WDR27: variants seen among roughly 807,000 people sequenced by gnomAD.
WDR27 encodes WD repeat domain 27.
Under a neutral mutation model 114.4 loss-of-function variants are expected in WDR27, and 100 were observed. That is an observed-to-expected ratio of 0.87 (90% CI 0.74 to 1.03). The LOEUF (loss-of-function observed/expected upper bound fraction) is 1.03. WDR27 is among the 50% of genes least tolerant of loss of function. The pLI is 0.00. For synonymous variants in WDR27, 449 were observed against 423.1 expected, an observed-to-expected ratio of 1.06 and a Z score of -0.75; for missense variants, 1,129 against 1,092.9, an observed-to-expected ratio of 1.03 and a Z score of -0.47.
At chr6:169,434,793 T>C in the WDR27 span, among the ~76,000 whole-genome samples, 1 of 152,126 alleles carries the variant, frequency 6.6e-6, no homozygotes, top group Non-Finnish European at 1.5e-5. Flanking sequence ...AGACTGATGA[T>C]GCAATAGGAA....
rs552570510 is a variant in WDR27, at chr6:169,586,633, C to T, written c.2425-3699G>A. ...CAGCACTTTGGGAGGCCAAGGTGGG[C>T]GGATCATGAGATCGAGGCCATCCTT... On this transcript the variant is annotated intron_variant, in intron 23 of 25. Transcript: ENST00000448612. Among the ~76,000 whole-genome samples, 365 of 151,992 alleles carry T rather than the reference C, an allele frequency of 2.4e-3. 1 individual carries two copies. Among genetic ancestry groups the T allele is most frequent in the African/African-American group, 7.3e-3 (303 of 41,482 alleles).
rs115518222 is a variant in WDR27 at position 169,572,115 on chromosome 6, T to C, written c.2645+304A>G. 4.5e-3 allele frequency among the ~76,000 whole-genome samples: 691 copies of C among 152,108 alleles called. 7 individuals are homozygous for C. The highest frequency in any genetic ancestry group is 0.016 in the African/African-American group (658 of 41,478). ...AAAACACAAAAAGCCAAACCAAATC[T>C]AGAGGAAACATATAGTGTAAATACA... On this transcript the variant is annotated intron_variant, in intron 25 of 25. Transcript: ENST00000448612.
chr6:169,602,193 T>C, intron 23 of WDR27, 26 bp downstream of exon 23: 2 of 1,494,428 alleles, frequency 1.3e-6, no homozygotes, highest in Non-Finnish European at 1.8e-6. Context: ...ACTCTCTACA[T>C]TTATAGACAG....
chr6:169,563,180 C>A (rs570510415), intron 25 of WDR27, among the ~76,000 whole-genome samples: 18 of 152,274 alleles, frequency 1.2e-4, no homozygotes, highest in South Asian at 6.2e-4. Context: ...CTGGACGCCT[C>A]CCTGCACTGT....
the WDR27 span, among the ~76,000 whole-genome samples, chr6:169,449,722 A>G: frequency 2.0e-5 from 3 of 152,350 alleles, no homozygotes; most frequent in African/African-American, 7.2e-5. Context: ...CAGGAGGAGC[A>G]AGGTCCTGGG....
At position 169,602,169 on chromosome 6, in the gene WDR27, T is replaced by A. The variant is rs533810804; in HGVS notation, c.2424+50A>T. The stretch of plus-strand genomic sequence containing the variant: ...GCAACAATATTAAACAGTCTACACA[T>A]TACCAAAGTCTAGACTCTCTACATT... On this transcript the variant is annotated intron_variant, in intron 23 of 25. Transcript: ENST00000448612. 48 of 1,396,260 alleles carry A rather than the reference T, an allele frequency of 3.4e-5. 1 individual carries two copies. In the South Asian group the frequency reaches 6.0e-4, roughly 18 times the overall value. The allele number at this position is 1,396,260 out of a possible 1,614,324, so 86.5% of individuals were successfully genotyped here.
chr6:169,572,876 T>C (rs1158399535), intron 24 of WDR27, among the ~76,000 whole-genome samples: 1 of 152,174 alleles, frequency 6.6e-6, no homozygotes, highest in Non-Finnish European at 1.5e-5. Context: ...ATCAAAACAC[T>C]ACTTATAGTA....
intron 25 of WDR27, among the ~76,000 whole-genome samples, chr6:169,485,251 ATT>A (rs1788727589): frequency 6.6e-6 from 1 of 152,216 alleles, no homozygotes; most frequent in African/African-American, 2.4e-5. Flanking sequence ...AAGATAAAGT[ATT>A]TGCAAACTAT....
At chr6:169,669,952 G>A (rs966302110) in intron 4 of WDR27, 6 of 152,166 alleles carry the variant, frequency 3.9e-5, no homozygotes, top group African/African-American at 1.4e-4. Context: ...CAGGCCAACA[G>A]CTTTGTGAGC....
In WDR27 at chr6:169,506,307, T is replaced by C. The variant is rs577611941; in HGVS notation, c.2646-48673A>G. On this transcript the variant is annotated intron_variant, in intron 25 of 25. Coordinates refer to ENST00000448612, the MANE Select transcript of WDR27 (RefSeq NM_182552.5). ...CATTATAATCCGTATGCCATTAAGA[T>C]ACTCTGTCTTACCTAACAAATGTTG... is the stretch of plus-strand genomic sequence containing the variant. 2.0e-5 allele frequency among the ~76,000 whole-genome samples: 3 copies of C among 152,342 alleles called. No individual in the cohort carries two copies. In the East Asian group the frequency reaches 5.8e-4, roughly 29 times the overall value.
At chr6:169,650,422 A>C in intron 14 of WDR27, among the ~76,000 whole-genome samples, 1 of 110,044 alleles carries the variant, frequency 9.1e-6, no homozygotes, top group African/African-American at 3.7e-5. Context: ...CTATCCACCC[A>C]CTCATCCACC....
intron 25 of WDR27, among the ~76,000 whole-genome samples, chr6:169,527,429 A>C (rs1384423392): frequency 6.6e-6 from 1 of 151,810 alleles, no homozygotes; most frequent in Admixed American, 6.6e-5. Context: ...TTAGAAATCC[A>C]TAGAAACAGA....
Position 169,660,589 on chromosome 6 carries a change from A to C in WDR27, c.1129+74T>G, listed in dbSNP as rs946887356. The stretch of plus-strand genomic sequence containing the variant: ...TTCACACGGCAAGGCCTTCTCCACA[A>C]ACACTTACACTACCCCACATACCAG... On this transcript the variant is annotated intron_variant, in intron 10 of 25. Coordinates refer to ENST00000448612, the MANE Select transcript of WDR27 (RefSeq NM_182552.5). The C allele has an allele frequency of 1.8e-5, 24 of 1,306,058 alleles. No individual in the cohort carries two copies. In the African/African-American group the frequency reaches 3.3e-4, roughly 18 times the overall value. 80.9% of individuals were successfully genotyped at this position (1,306,058 alleles called of 1,614,324 possible).
intron 25 of WDR27, among the ~76,000 whole-genome samples, chr6:169,509,931 CAAGA>C (rs1213469349): frequency 6.6e-6 from 1 of 152,000 alleles, no homozygotes; most frequent in East Asian, 1.9e-4. Flanking sequence ...AACAAATTTA[CAAGA>C]AAGAAACAAA....
At chr6:169,554,955 A>G (rs1187006023) in intron 25 of WDR27, among the ~76,000 whole-genome samples, 3 of 152,220 alleles carry the variant, frequency 2.0e-5, no homozygotes, top group African/African-American at 4.8e-5. Flanking sequence ...TGTACTTTCT[A>G]GGCAATATTA....
At chr6:169,674,393 C>T (rs1779550921) in intron 2 of WDR27, among the ~76,000 whole-genome samples, 1 of 152,036 alleles carries the variant, frequency 6.6e-6, no homozygotes, top group African/African-American at 2.4e-5. Context: ...ATTTAAAAGT[C>T]CCAAACCTAA....
intron 25 of WDR27, among the ~76,000 whole-genome samples, chr6:169,461,305 G>A (rs1784878784): frequency 6.6e-6 from 1 of 152,012 alleles, no homozygotes; most frequent in Non-Finnish European, 1.5e-5. Context: ...AACAAGAACA[G>A]CATACATCTT....
chr6:169,609,051 C>T (rs912682959), intron 22 of WDR27, among the ~76,000 whole-genome samples: 1 of 152,224 alleles, frequency 6.6e-6, no homozygotes, highest in Non-Finnish European at 1.5e-5. Context: ...CATCAAGTCT[C>T]ACATCCAGGT....
intron 25 of WDR27, among the ~76,000 whole-genome samples, chr6:169,522,296 G>T (rs186679324): frequency 6.6e-6 from 1 of 151,848 alleles, no homozygotes. Context: ...AAATATCTAC[G>T]CACCCAACAC....
Sources: allele counts gnomAD v4.1 joint callset (sites outside exome capture counted in the v4.1 genomes callset), GRCh38; gene constraint gnomAD v4.1.1; transcripts MANE v1.5; gene names NCBI Gene and HGNC (gene_info 2026-07-23, HGNC 2026-07-21).